BARX2: variants seen among roughly 807,000 people sequenced by gnomAD.
The protein encoded by BARX2 is BARX homeobox 2.
BARX2 carries 11 observed loss-of-function variants against 25.5 expected under a neutral mutation model. The ratio of observed to expected loss-of-function variants is 0.43; its 90% CI spans 0.27 to 0.71. BARX2 has a LOEUF of 0.71. BARX2 is among the 30% of genes least tolerant of loss of function. The pLI, the probability that BARX2 is intolerant of heterozygous loss-of-function variation, is 0.19. For missense variants in BARX2, 360 were observed against 359.9 expected (o/e 1.00, Z 0.00); for synonymous variants, 137 against 149.5 (o/e 0.92, Z 0.61).
At chr11:129,422,028 G>T (rs1862009853) in intron 1 of BARX2, among the ~76,000 whole-genome samples, 1 of 152,100 alleles carries the variant, frequency 6.6e-6, no homozygotes. Flanking sequence ...CCTATACTTG[G>T]TTAGATCTTC....
intron 1 of BARX2, among the ~76,000 whole-genome samples, chr11:129,435,288 G>C (rs1862176058): frequency 6.6e-6 from 1 of 152,220 alleles, no homozygotes; most frequent in Non-Finnish European, 1.5e-5. Flanking sequence ...GTTGTAGCAA[G>C]TGGTGATTTA....
At chr11:129,417,552 G>A (rs1234955984) in intron 1 of BARX2, among the ~76,000 whole-genome samples, 1 of 152,312 alleles carries the variant, frequency 6.6e-6, no homozygotes, top group South Asian at 2.1e-4. Context: ...GGGCCTAAAA[G>A]TTGCTTTTGT....
chr11:129,422,392 C>T (rs1862014321), intron 1 of BARX2, among the ~76,000 whole-genome samples: 1 of 152,230 alleles, frequency 6.6e-6, no homozygotes, highest in South Asian at 2.1e-4. Context: ...TCCAACTCCT[C>T]GGTTCAAGTG....
intron 3 of BARX2, 94 bp downstream of exon 3, chr11:129,443,013 G>A: frequency 1.7e-6 from 2 of 1,160,870 alleles, no homozygotes; most frequent in Non-Finnish European, 2.5e-6. Flanking sequence ...TTGGCAGTTT[G>A]GGCTGCAGAG....
intron 1 of BARX2, among the ~76,000 whole-genome samples, chr11:129,381,817 G>A (rs1861567079): frequency 6.6e-6 from 1 of 152,196 alleles, no homozygotes; most frequent in Non-Finnish European, 1.5e-5. Flanking sequence ...AAGGGAAGAA[G>A]GAAAGTAAGA....
chr11:129,442,764 G>GT (rs772437717), intron 2 of BARX2, 71 bp from the exon 3 acceptor site: 9 of 1,354,442 alleles, frequency 6.6e-6, no homozygotes, highest in Non-Finnish European at 9.5e-6. Flanking sequence ...TCTGGAGCCT[G>GT]CCAGCAGGAT....
At position 129,442,862 on chromosome 11, in the gene BARX2, C is replaced by T. The variant is rs370794313; in HGVS notation, c.516C>T (p.Leu172=). Residue 172 remains leucine, a synonymous_variant, in exon 3 of 4, where the codon CTC becomes CTT. Transcript: ENST00000281437. ...TGGACTTGGCTCAGTCTCTGGGACTCACTCAGCTGCAGGTGAAGACCTGGT... is the reference window on the plus strand; with the variant it reads ...TGGACTTGGCTCAGTCTCTGGGACTTACTCAGCTGCAGGTGAAGACCTGGT... ...DRLDLAQSLG[L]TQLQVKTWYQ... The T allele has an allele frequency of 2.5e-6, 4 of 1,613,876 alleles. No individual in the cohort carries two copies. The African/African-American group carries it at 4.0e-5, about 16-fold the overall frequency.
Position 129,422,027 on chromosome 11 carries a change from G to A in BARX2, c.188-14724G>A, listed in dbSNP as rs79981849. Among the ~76,000 whole-genome samples, 489 of 152,212 alleles carry A rather than the reference G, an allele frequency of 3.2e-3. 3 individuals carry two copies. Among genetic ancestry groups the A allele is most frequent in the African/African-American group, 0.011 (460 of 41,524 alleles). ...ATGAGAATCCTGATGGCCTATACTT[G>A]GTTAGATCTTCCTGAATACTCTTTT... On this transcript the variant is annotated intron_variant, in intron 1 of 3. Coordinates refer to ENST00000281437, the MANE Select transcript of BARX2 (RefSeq NM_003658.5).
intron 1 of BARX2, among the ~76,000 whole-genome samples, chr11:129,410,844 C>T (rs928169777): frequency 1.3e-5 from 2 of 152,184 alleles, no homozygotes; most frequent in Non-Finnish European, 2.9e-5. Context: ...ACTCTCTGCC[C>T]TCTGCTGTGC....
intron 1 of BARX2, among the ~76,000 whole-genome samples, chr11:129,429,595 A>G (rs1173890529): frequency 6.6e-6 from 1 of 152,148 alleles, no homozygotes; most frequent in Non-Finnish European, 1.5e-5. Flanking sequence ...TCTGTAAGCA[A>G]AATAAAGGGG....
rs117979658 is a variant in BARX2 at position 129,376,268 on chromosome 11, G to T, written c.187+46G>T. The T allele has an allele frequency of 0.019, 29,334 of 1,527,100 alleles. 343 individuals carry two copies. The highest frequency in any genetic ancestry group is 0.022 in the Non-Finnish European group (24,390 of 1,125,384). 94.6% of individuals were successfully genotyped at this position (1,527,100 alleles called of 1,614,324 possible). A position where few individuals can be genotyped will look rare whatever the true frequency, so the allele number is the denominator to read the frequency against. ...ATAAGTGGGGTTCGGTAGCTTTCAC[G>T]TCCGTGTAGGTGGCCTGTGCTTTGC... On this transcript the variant is annotated intron_variant, in intron 1 of 3. Transcript: ENST00000281437. The surrounding 1 kb of genome is among the most constrained non-coding windows in gnomAD (Gnocchi z 4.2).
chr11:129,438,466 T>C (rs1386324515), intron 2 of BARX2: 3 of 152,272 alleles, frequency 2.0e-5, no homozygotes, highest in Non-Finnish European at 4.4e-5. Flanking sequence ...TTTTGCCTGC[T>C]GCCTTGGACA....
At position 129,376,072 on chromosome 11, in the gene BARX2, G is replaced by T; in HGVS notation, c.37G>T (p.Gly13Cys). The T allele has an allele frequency of 6.8e-6, 11 of 1,607,160 alleles. No individual in the cohort carries two copies. Among genetic ancestry groups the T allele is most frequent in the Non-Finnish European group, 9.3e-6 (11 of 1,177,282 alleles). ...CHAELRLSSPGQLKAARRRYK... is the reference protein window; with the variant it reads ...CHAELRLSSPCQLKAARRRYK... ...CGCCGAGCTGAGGCTGAGCTCGCCC[G>T]GCCAGCTCAAAGCAGCCAGGCGGCG... Residue 13 changes from glycine to cysteine, a missense_variant, in exon 1 of 4, where the codon GGC (glycine) becomes TGC (cysteine). Gly to Cys is a radical substitution (Grantham distance 159, BLOSUM62 -3). Coordinates refer to ENST00000281437, the MANE Select transcript of BARX2 (RefSeq NM_003658.5). The surrounding 1 kb of genome is among the most constrained non-coding windows in gnomAD (Gnocchi z 4.2).
intron 1 of BARX2, among the ~76,000 whole-genome samples, chr11:129,410,078 A>G (rs888629888): frequency 4.6e-5 from 7 of 152,210 alleles, no homozygotes; most frequent in African/African-American, 7.2e-5. Context: ...TCAAATGTCA[A>G]TGTACATTTA....
intron 1 of BARX2, among the ~76,000 whole-genome samples, chr11:129,392,067 C>T (rs1861671761): frequency 6.6e-6 from 1 of 152,192 alleles, no homozygotes; most frequent in South Asian, 2.1e-4. Flanking sequence ...ATGGTCCACT[C>T]TGCTGGGGAA....
chr11:129,436,800 G>T lies in BARX2; in HGVS notation c.237G>T (p.Gln79His), dbSNP rs778519365. 1 of 1,612,088 alleles carries T rather than the reference G, an allele frequency of 6.2e-7. No individual in the cohort carries two copies. The highest frequency in any genetic ancestry group is 1.3e-5 in the African/African-American group (1 of 74,824). ...AYPLLSVITRQPTVISHLVPA... is the reference protein window; with the variant it reads ...AYPLLSVITRHPTVISHLVPA... ...CGCTCCTCTCGGTGATCACCCGCCA[G>T]CCCACTGTCATCTCCCACCTGGTCC... Residue 79 changes from glutamine (Q) to histidine (H), a missense_variant, in exon 2 of 4, where the codon CAG becomes CAT. By Grantham distance (24) the Gln-to-His change is conservative. This residue lies in a region of BARX2 where 240 missense variants were observed against 228.7 expected (regional missense o/e 1.05). Transcript: ENST00000281437. The surrounding 1 kb of genome is among the most constrained non-coding windows in gnomAD (Gnocchi z 4.5).
intron 1 of BARX2, among the ~76,000 whole-genome samples, chr11:129,384,365 A>G (rs1861598997): frequency 6.6e-6 from 1 of 152,134 alleles, no homozygotes; most frequent in African/African-American, 2.4e-5. Context: ...ATTTCATGAA[A>G]TAGTGGCTAT....
Position 129,437,016 on chromosome 11 carries a change from A to C in BARX2, c.453A>C (p.Lys151Asn). The change falls in exon 2 of 4, where the codon AAA (lysine) becomes AAC (asparagine). Residue 151 changes from lysine (K) to asparagine (N), a missense_variant. Physicochemically the swap from Lys to Asn is moderately conservative, Grantham distance 94. Coordinates refer to ENST00000281437, the MANE Select transcript of BARX2 (RefSeq NM_003658.5). Reference protein sequence around the residue: ...TELQLMGLEKKFQKQKYLSTP... With the variant: ...TELQLMGLEKNFQKQKYLSTP... ...TGCAGCTCATGGGCCTGGAGAAGAA[A>C]TTCCAGAAGCAGAAGTATTTGTCAA... is the stretch of plus-strand genomic sequence containing the variant. 1 of 1,592,966 alleles carries C rather than the reference A, an allele frequency of 6.3e-7. No homozygotes were observed. Among genetic ancestry groups the C allele is most frequent in the Non-Finnish European group, 8.6e-7 (1 of 1,166,432 alleles).
chr11:129,402,967 T>C lies in BARX2; in HGVS notation c.187+26745T>C, dbSNP rs977223381. ...GCCAAACAGCACACAGTGAAGAAGG[T>C]ATTCAGATGAGGAGAATGGTATTTG... On this transcript the variant is annotated intron_variant, in intron 1 of 3. Coordinates refer to ENST00000281437, the MANE Select transcript of BARX2 (RefSeq NM_003658.5). Among the ~76,000 whole-genome samples, 8 of 152,342 alleles carry C rather than the reference T, an allele frequency of 5.3e-5. No individual in the cohort carries two copies. The South Asian group carries it at 1.2e-3, about 24-fold the overall frequency.
Sources: gnomAD v4.1 joint callset for allele counts (sites outside exome capture counted in the v4.1 genomes callset) on GRCh38, gnomAD v4.1.1 for gene constraint, gnomAD v4.1.1 regional missense constraint, Gnocchi (gnomAD v3.1) non-coding constraint, MANE v1.5 for transcripts, NCBI Gene and HGNC (gene_info 2026-07-23, HGNC 2026-07-21) for gene names.